DLGAP2: variants seen among roughly 807,000 people sequenced by gnomAD.
The protein encoded by DLGAP2 is DLG associated protein 2, also known as disks large-associated protein 2.
Under a neutral mutation model 100.3 loss-of-function variants are expected in DLGAP2, and 26 were observed. The ratio of observed to expected loss-of-function variants is 0.26; its 90% CI spans 0.19 to 0.36. DLGAP2 has a LOEUF of 0.36. DLGAP2 is among the 10% of genes least tolerant of loss of function. The pLI is 1.00. For missense variants in DLGAP2, 1,858 were observed against 1,453.2 expected, an observed-to-expected ratio of 1.28 and a Z score of -4.53; for synonymous variants, 886 against 630.1, an observed-to-expected ratio of 1.41 and a Z score of -6.08.
chr8:1,641,334 G>T (rs1797893576), intron 8 of DLGAP2, among the ~76,000 whole-genome samples: 1 of 152,126 alleles, frequency 6.6e-6, no homozygotes, highest in Non-Finnish European at 1.5e-5. Context: ...TGTGTAGCCT[G>T]CTCTTCCCTT....
At chr8:1,273,358 G>C (rs1799620119) in intron 3 of DLGAP2, among the ~76,000 whole-genome samples, 1 of 152,166 alleles carries the variant, frequency 6.6e-6, no homozygotes, top group Non-Finnish European at 1.5e-5. Flanking sequence ...ATTTGCTTGG[G>C]AGCATGAGGC....
chr8:1,200,967 GC>G, intron 2 of DLGAP2, among the ~76,000 whole-genome samples: 1 of 152,302 alleles, frequency 6.6e-6, no homozygotes, highest in Non-Finnish European at 1.5e-5. Context: ...GGGGCGCTGC[GC>G]TCGGCCTTAG....
chr8:953,146 G>A (rs919456794), intron 2 of DLGAP2, among the ~76,000 whole-genome samples: 33 of 152,120 alleles, frequency 2.2e-4, no homozygotes, highest in African/African-American at 7.5e-4. Flanking sequence ...AAAGCTTCCT[G>A]GCTCATGGTG....
At chr8:1,300,141 G>A (rs17747701) in intron 3 of DLGAP2, 17,667 of 152,162 alleles carry the variant, frequency 0.12, 1,195 homozygotes, top group South Asian at 0.2. Context: ...TCAGCATATC[G>A]ATTTGTCAGG....
intron 1 of DLGAP2, among the ~76,000 whole-genome samples, chr8:818,676 A>C (rs1222805851): frequency 6.6e-6 from 1 of 152,204 alleles, no homozygotes; most frequent in Non-Finnish European, 1.5e-5. Context: ...CTGCTGTTTA[A>C]AAGAACATGT....
At chr8:738,657 T>C (rs1820390644) in intron 1 of DLGAP2, 2 of 144,778 alleles carry the variant, frequency 1.4e-5, no homozygotes, top group African/African-American at 5.1e-5. Context: ...CGGGCTCCTC[T>C]GCCTGCGCGC....
At chr8:1,550,563 C>G (rs1034375010) in intron 5 of DLGAP2, among the ~76,000 whole-genome samples, 1 of 152,130 alleles carries the variant, frequency 6.6e-6, no homozygotes, top group Non-Finnish European at 1.5e-5. Context: ...GAGTTCACTC[C>G]CTGCACCTGG....
intron 12 of DLGAP2, among the ~76,000 whole-genome samples, chr8:1,683,601 T>G (rs900233934): frequency 1.6e-4 from 24 of 149,758 alleles, no homozygotes; most frequent in Non-Finnish European, 2.7e-4. Flanking sequence ...ACACATCGCC[T>G]GGCACAGAGT....
intron 1 of DLGAP2, among the ~76,000 whole-genome samples, chr8:782,673 C>G (rs1423650225): frequency 6.6e-6 from 1 of 152,188 alleles, no homozygotes; most frequent in Non-Finnish European, 1.5e-5. Context: ...GGCCCCCACC[C>G]CTGAACACTG....
At chr8:1,128,220 TGTTGTGTTCGGTGAGGACCTGCTCCCG>T in intron 2 of DLGAP2, among the ~76,000 whole-genome samples, 1 of 151,218 alleles carries the variant, frequency 6.6e-6, no homozygotes, top group African/African-American at 2.4e-5. Context: ...CTGCTCCCCA[TGTTGTGTTCGGTGAGGACCTGCTCCCG>T]GTGTTGTGTT....
intron 14 of DLGAP2, among the ~76,000 whole-genome samples, chr8:1,698,497 G>A (rs1051653427): frequency 1.4e-5 from 2 of 147,648 alleles, no homozygotes; most frequent in African/African-American, 5.3e-5. Context: ...GACTAGGCAG[G>A]TCCACGTAAG....
intron 2 of DLGAP2, among the ~76,000 whole-genome samples, chr8:1,006,482 G>A (rs879133401): frequency 2.4e-4 from 29 of 120,372 alleles, no homozygotes; most frequent in South Asian, 9.6e-4. Flanking sequence ...TTATCACATC[G>A]GGGACACCGT....
intron 2 of DLGAP2, among the ~76,000 whole-genome samples, chr8:1,085,346 A>C (rs1803939444): frequency 6.6e-6 from 1 of 152,182 alleles, no homozygotes; most frequent in East Asian, 1.9e-4. Flanking sequence ...TGTTGGGCAG[A>C]AGCCTTCTAT....
At chr8:1,304,298 G>T (rs1029050114) in intron 3 of DLGAP2, among the ~76,000 whole-genome samples, 1 of 152,222 alleles carries the variant, frequency 6.6e-6, no homozygotes, top group Non-Finnish European at 1.5e-5. Context: ...ACCCAGGGTG[G>T]CAGGTGCAGC....
intron 3 of DLGAP2, among the ~76,000 whole-genome samples, chr8:1,337,390 A>C (rs1292044968): frequency 6.4e-4 from 1 of 1,562 alleles, no homozygotes; most frequent in Non-Finnish European, 1.5e-3. Context: ...GGTGATGGTG[A>C]GGATGATGGT....
chr8:1,186,798 C>A (rs1453343796), intron 2 of DLGAP2, among the ~76,000 whole-genome samples: 4 of 152,160 alleles, frequency 2.6e-5, no homozygotes, highest in African/African-American at 9.7e-5. Context: ...ATGGAAGCCA[C>A]CTGCAGGAGT....
intron 1 of DLGAP2, among the ~76,000 whole-genome samples, chr8:887,225 T>C (rs936733359): frequency 1.3e-5 from 2 of 152,076 alleles, no homozygotes; most frequent in Non-Finnish European, 1.5e-5. Context: ...ATTTGCTTGG[T>C]AAATATTCCT....
Position 1,601,208 on chromosome 8 carries a change from G to A in DLGAP2, c.1443-25532G>A, listed in dbSNP as rs557623009. Among the ~76,000 whole-genome samples, 92 of 152,302 alleles carry A rather than the reference G, an allele frequency of 6.0e-4. 1 individual carries two copies. Among genetic ancestry groups the A allele is most frequent in the Middle Eastern group, 6.8e-3 (2 of 294 alleles). On this transcript the variant is annotated intron_variant, in intron 6 of 14. Transcript: ENST00000637795. ...CTGGGTATCACCAGTGGAGGTTGCC[G>A]AACAGCAAAGATTGCTGCCTGTTCC... is the stretch of plus-strand genomic sequence containing the variant.
rs190897788 is a variant in DLGAP2 at position 1,189,368 on chromosome 8, G to A, written c.74-69483G>A. Among the ~76,000 whole-genome samples, 24 of 152,328 alleles carry A rather than the reference G, an allele frequency of 1.6e-4. No individual in the cohort carries two copies. In the East Asian group the frequency reaches 4.6e-3, roughly 29 times the overall value. On this transcript the variant is annotated intron_variant, in intron 2 of 14. Transcript: ENST00000637795. Reference sequence around the variant, plus strand: ...TCCAGCAGGAAGATAGGTCAACCTGGTCCCTAAATAACATTAAGACACTGA... The same window carrying A: ...TCCAGCAGGAAGATAGGTCAACCTGATCCCTAAATAACATTAAGACACTGA...
Sources: gnomAD v4.1 joint callset for allele counts (sites outside exome capture counted in the v4.1 genomes callset) on GRCh38, gnomAD v4.1.1 for gene constraint, MANE v1.5 for transcripts, NCBI Gene and HGNC (gene_info 2026-07-23, HGNC 2026-07-21) for gene names.